Variants in LINGO1 observed in about 807,000 individuals in gnomAD.
LINGO1 encodes the protein leucine rich repeat and Ig domain containing 1.
Under a neutral mutation model 37.3 loss-of-function variants are expected in LINGO1, and 11 were observed. The ratio of observed to expected loss-of-function variants is 0.29; its 90% CI spans 0.19 to 0.49. LINGO1 has a LOEUF of 0.49. LINGO1 is among the 20% of genes least tolerant of loss of function. The pLI is 0.99. For missense variants in LINGO1, 585 were observed against 878.2 expected (o/e 0.67, Z 4.22); for synonymous variants, 387 against 403.0 (o/e 0.96, Z 0.48).
Position 77,718,881 on chromosome 15 carries a change from A to G in LINGO1, c.-195+16111T>C, listed in dbSNP as rs74829633. 4.7e-3 allele frequency among the ~76,000 whole-genome samples: 707 copies of G among 150,808 alleles called. 17 individuals are homozygous for G. The highest frequency in any genetic ancestry group is 0.016 in the African/African-American group (679 of 41,492). On this transcript the variant is annotated intron_variant, in intron 2 of 3. Transcript: ENST00000561686. ...GACTGCCACAGCATCTTCCTCAACC[A>G]GGTGGTAGGGCGAGAAGAAGCTCCT...
intron 1 of LINGO1, among the ~76,000 whole-genome samples, chr15:77,776,556 G>GGAAAGCAGGAAGGCAGGAAGGCA (rs1307931922): frequency 2.0e-5 from 3 of 150,658 alleles, no homozygotes; most frequent in Admixed American, 6.6e-5. Flanking sequence ...GAGGGAGGGA[G>GGAAAGCAGGAAGGCAGGAAGGCA]GGAGCTGACT....
At chr15:77,687,325 T>C (rs1048647173) in intron 2 of LINGO1, among the ~76,000 whole-genome samples, 2 of 152,202 alleles carry the variant, frequency 1.3e-5, no homozygotes, top group African/African-American at 4.8e-5. Context: ...GGACCAGGGT[T>C]TAGTGTGGGG....
At chr15:77,740,884 GCC>G (rs1391940121) in intron 1 of LINGO1, among the ~76,000 whole-genome samples, 1 of 152,232 alleles carries the variant, frequency 6.6e-6, no homozygotes, top group African/African-American at 2.4e-5. Flanking sequence ...CAGTGCTTCT[GCC>G]GAGCTATGCG....
At chr15:77,618,347 A>G (rs2142503502) in intron 1 of LINGO1, among the ~76,000 whole-genome samples, 1 of 152,264 alleles carries the variant, frequency 6.6e-6, no homozygotes, top group Middle Eastern at 3.4e-3. Context: ...GAGCAAAGCC[A>G]CCTGGGCCTC....
At chr15:77,648,997 T>G (rs1477967653) in intron 3 of LINGO1, 3 of 152,238 alleles carry the variant, frequency 2.0e-5, no homozygotes, top group African/African-American at 7.2e-5. Context: ...CAGCTCTGCA[T>G]GTACTATTGT....
At chr15:77,699,706 A>ACCACC (rs2075751715), upstream of LINGO1, among the ~76,000 whole-genome samples, 3 of 57,486 alleles carry the variant, frequency 5.2e-5, no homozygotes, top group African/African-American at 1.3e-4. Context: ...CATACTAACC[A>ACCACC]TCATTCCCAC....
At chr15:77,705,694 G>T (rs1567536387) in intron 2 of LINGO1, among the ~76,000 whole-genome samples, 1 of 152,236 alleles carries the variant, frequency 6.6e-6, no homozygotes. Flanking sequence ...TTCTTCTCAG[G>T]CTGAACAACG....
upstream of LINGO1, among the ~76,000 whole-genome samples, chr15:77,634,019 C>T (rs561208778): frequency 1.3e-5 from 2 of 148,402 alleles, no homozygotes; most frequent in South Asian, 2.1e-4. Context: ...TGGGAACAAC[C>T]CATTAGCACA....
chr15:77,614,117 T>G lies in LINGO1; in HGVS notation c.1790A>C (p.Tyr597Ser). 6.2e-7 allele frequency: 1 copy of G among 1,613,936 alleles called. No homozygotes were observed. Among genetic ancestry groups the G allele is most frequent in the Non-Finnish European group, 8.5e-7 (1 of 1,179,872 alleles). ...GNTKHNIEIE[Y>S]VPRKSDAGIS... Reference sequence around the variant, plus strand: ...GCCTGCGTCCGACTTTCGGGGCACATACTCGATCTCGATGTTGTGCTTTGT... The same window carrying G: ...GCCTGCGTCCGACTTTCGGGGCACAGACTCGATCTCGATGTTGTGCTTTGT... The change falls in exon 2 of 2, where the codon TAT (tyrosine) becomes TCT (serine). Residue 597 changes from tyrosine (Y) to serine (S), a missense_variant. Tyr to Ser is a moderately radical substitution (Grantham distance 144). Coordinates refer to ENST00000355300, the MANE Select transcript of LINGO1 (RefSeq NM_032808.7).
chr15:77,740,190 T>C (rs938163593), intron 1 of LINGO1, among the ~76,000 whole-genome samples: 6 of 152,128 alleles, frequency 3.9e-5, no homozygotes, highest in African/African-American at 1.2e-4. Flanking sequence ...CCTGAGGAAG[T>C]GTCCTTGGAG....
intron 2 of LINGO1, among the ~76,000 whole-genome samples, chr15:77,706,924 G>A (rs1294142966): frequency 1.3e-5 from 2 of 152,244 alleles, no homozygotes; most frequent in East Asian, 1.9e-4. Context: ...AGGAGATGCT[G>A]GCAGGAGAGA....
At chr15:77,743,953 A>G (rs1465751234) in intron 1 of LINGO1, among the ~76,000 whole-genome samples, 1 of 152,210 alleles carries the variant, frequency 6.6e-6, no homozygotes. Context: ...TAGCCAAGCC[A>G]CAAGTATTTC....
chr15:77,645,027 C>T (rs1441000176), intron 3 of LINGO1, among the ~76,000 whole-genome samples: 1 of 152,132 alleles, frequency 6.6e-6, no homozygotes, highest in Admixed American at 6.5e-5. Context: ...CCTGCTGGGG[C>T]GTGAAAACCA....
intron 1 of LINGO1, among the ~76,000 whole-genome samples, chr15:77,782,212 T>TACACACACAC (rs56734688): frequency 1.3e-5 from 2 of 150,154 alleles, no homozygotes; most frequent in African/African-American, 4.9e-5. Context: ...TGCGCACGCG[T>TACACACACAC]ACACACACAC....
At chr15:77,741,578 C>T (rs1019793371) in intron 1 of LINGO1, among the ~76,000 whole-genome samples, 10 of 152,186 alleles carry the variant, frequency 6.6e-5, no homozygotes, top group African/African-American at 2.2e-4. Context: ...AGGGGCAGGC[C>T]GCAGGCCCCA....
chr15:77,796,002 C>G (rs2076869771), exon 2 of LINGO1: 2 of 152,312 alleles, frequency 1.3e-5, no homozygotes, highest in Non-Finnish European at 2.9e-5. Flanking sequence ...TGGACTCAGT[C>G]GCCCTCTCTG....
chr15:77,787,750 GC>G (rs2076786343), upstream of LINGO1: 1 of 152,188 alleles, frequency 6.6e-6, no homozygotes, highest in South Asian at 2.1e-4. Flanking sequence ...CCCCAGCTCA[GC>G]CTTTTTATTA....
Position 77,615,503 on chromosome 15 carries a change from G to A in LINGO1, c.404C>T (p.Pro135Leu). The change falls in exon 2 of 2, where the codon CCG (proline) becomes CTG (leucine). Residue 135 changes from proline (P) to leucine (L), a missense_variant. Physicochemically the swap from Pro to Leu is moderately conservative, Grantham distance 98. Transcript: ENST00000355300. ...GLRSNRLKLI[P>L]LGVFTGLSNL... ...GCTGAGGCCAGTGAAGACGCCTAGC[G>A]GGATGAGCTTCAGGCGGTTGCTGCG... The A allele has an allele frequency of 6.2e-7, 1 of 1,614,004 alleles. No individual in the cohort carries two copies. The highest frequency in any genetic ancestry group is 1.1e-5 in the South Asian group (1 of 91,082).
chr15:77,755,118 C>G (rs947062317), intron 1 of LINGO1, among the ~76,000 whole-genome samples: 4 of 152,208 alleles, frequency 2.6e-5, no homozygotes, highest in African/African-American at 9.6e-5. Context: ...GACTGGAGCA[C>G]AGCCAGGTCC....
Sources: gnomAD v4.1 joint callset for allele counts (sites outside exome capture counted in the v4.1 genomes callset) on GRCh38, gnomAD v4.1.1 for gene constraint, MANE v1.5 for transcripts, NCBI Gene and HGNC (gene_info 2026-07-23, HGNC 2026-07-21) for gene names.